The following FYB2 variants were observed in gnomAD, a reference collection of about 807,000 sequenced individuals.
FYB2 encodes FYN-binding protein 2.
FYB2 carries 103 observed loss-of-function variants against 94.1 expected under a neutral mutation model. The observed-to-expected ratio is 1.09, with a 90% CI of 0.93 to 1.29. FYB2 has a LOEUF of 1.29. Ranked by LOEUF, FYB2 falls within the 50% of genes most tolerant of loss-of-function variation. FYB2 has a pLI of 0.00. For missense variants in FYB2, 896 were observed against 841.5 expected (o/e 1.06, Z -0.80); for synonymous variants, 293 against 287.9 (o/e 1.02, Z -0.18).
intron 15 of FYB2, among the ~76,000 whole-genome samples, chr1:56,730,999 G>A (rs1320662176): frequency 6.6e-6 from 1 of 152,096 alleles, no homozygotes; most frequent in Non-Finnish European, 1.5e-5. Context: ...CCTGAGCCCA[G>A]GAAGTCAAGG....
chr1:56,798,550 G>T (rs1425246098), intron 1 of FYB2, among the ~76,000 whole-genome samples: 1 of 152,082 alleles, frequency 6.6e-6, no homozygotes, highest in South Asian at 2.1e-4. Flanking sequence ...GTGTGGCATT[G>T]TTATATTTAG....
At chr1:56,795,332 A>C (rs1646371021) in intron 1 of FYB2, among the ~76,000 whole-genome samples, 1 of 152,130 alleles carries the variant, frequency 6.6e-6, no homozygotes, top group African/African-American at 2.4e-5. Flanking sequence ...AAGGCTAAAT[A>C]ATATATCATA....
intron 1 of FYB2, among the ~76,000 whole-genome samples, chr1:56,809,321 T>C (rs1207044709): frequency 6.6e-6 from 1 of 152,154 alleles, no homozygotes; most frequent in Non-Finnish European, 1.5e-5. Context: ...TACAAGTATA[T>C]TATTAACAGC....
intron 3 of FYB2, among the ~76,000 whole-genome samples, chr1:56,787,919 A>G (rs968785400): frequency 6.6e-6 from 1 of 152,228 alleles, no homozygotes; most frequent in Non-Finnish European, 1.5e-5. Flanking sequence ...AGCTGTCCAT[A>G]TCAGTAAAGT....
rs75842954 is a variant in FYB2 at position 56,775,144 on chromosome 1, A to G, written c.954-7206T>C. ...CTCCTTAATAATCTCTCGTTTATAT[A>G]TACATCTACCCTATTAGTCCTGTCC... On this transcript the variant is annotated intron_variant, in intron 4 of 19. Coordinates refer to ENST00000343433, the MANE Select transcript of FYB2 (RefSeq NM_001004303.5). 3.7e-3 allele frequency among the ~76,000 whole-genome samples: 566 copies of G among 152,238 alleles called. 4 individuals carry two copies. Among genetic ancestry groups the G allele is most frequent in the African/African-American group, 0.012 (486 of 41,558 alleles).
At chr1:56,773,318 T>C (rs1263660122) in intron 4 of FYB2, among the ~76,000 whole-genome samples, 1 of 152,196 alleles carries the variant, frequency 6.6e-6, no homozygotes, top group Non-Finnish European at 1.5e-5. Context: ...TATTAGGCTG[T>C]ACGCTCTAGA....
At chr1:56,777,860 A>G (rs1371821961) in intron 4 of FYB2, among the ~76,000 whole-genome samples, 1 of 152,072 alleles carries the variant, frequency 6.6e-6, no homozygotes, top group Non-Finnish European at 1.5e-5. Flanking sequence ...TCTATAGTCT[A>G]TTCTCCACAC....
chr1:56,818,216 G>A (rs17114404), intron 1 of FYB2, among the ~76,000 whole-genome samples: 2,728 of 152,098 alleles, frequency 0.018, 90 homozygotes, highest in African/African-American at 0.061. Flanking sequence ...GGAGGGAGAT[G>A]AAGTCATACC....
At chr1:56,787,319 T>C (rs2100939356) in intron 3 of FYB2, 111 bp from the exon 4 acceptor site, 2 of 1,345,138 alleles carry the variant, frequency 1.5e-6, no homozygotes, top group Non-Finnish European at 2.1e-6. Context: ...AGTGGAAGCT[T>C]GCCTGTGCCT....
chr1:56,802,631 A>G (rs1475956620), intron 1 of FYB2, among the ~76,000 whole-genome samples: 1 of 152,220 alleles, frequency 6.6e-6, no homozygotes, highest in Non-Finnish European at 1.5e-5. Flanking sequence ...AAAGAAAGCC[A>G]TTATTCTTCC....
At chr1:56,801,265 G>GAGTA (rs1646513115) in intron 1 of FYB2, among the ~76,000 whole-genome samples, 1 of 152,132 alleles carries the variant, frequency 6.6e-6, no homozygotes, top group African/African-American at 2.4e-5. Context: ...TCAGGAAGTG[G>GAGTA]AGTAAAGTGT....
At chr1:56,791,955 C>T in intron 2 of FYB2, 101 bp downstream of exon 2, 1 of 1,439,982 alleles carries the variant, frequency 6.9e-7, no homozygotes, top group East Asian at 2.4e-5. Flanking sequence ...AGCCACATTT[C>T]CCAGGTCATA....
intron 1 of FYB2, among the ~76,000 whole-genome samples, chr1:56,816,185 G>C (rs749190257): frequency 1.3e-5 from 2 of 152,208 alleles, no homozygotes; most frequent in African/African-American, 4.8e-5. Flanking sequence ...ATAGGAATTT[G>C]GACGAGGCTC....
chr1:56,826,492 A>C, the FYB2 span: 1 of 152,366 alleles, frequency 6.6e-6, no homozygotes, highest in Non-Finnish European at 1.5e-5. Context: ...TCCATGCTGC[A>C]TCTGGCCTCT....
chr1:56,762,262 C>T (rs978326241), intron 5 of FYB2, among the ~76,000 whole-genome samples: 8 of 152,052 alleles, frequency 5.3e-5, no homozygotes, highest in Non-Finnish European at 7.4e-5. Flanking sequence ...GCAGAAGATC[C>T]TACTGGGATT....
At chr1:56,812,055 G>C (rs1234143468) in intron 1 of FYB2, among the ~76,000 whole-genome samples, 1 of 152,122 alleles carries the variant, frequency 6.6e-6, no homozygotes, top group Non-Finnish European at 1.5e-5. Flanking sequence ...TGTCAGCTCT[G>C]CTACAAATTT....
intron 9 of FYB2, among the ~76,000 whole-genome samples, chr1:56,745,001 G>A (rs1645036824): frequency 2.6e-5 from 4 of 151,978 alleles, no homozygotes; most frequent in Non-Finnish European, 5.9e-5. Flanking sequence ...TTAATTAAAT[G>A]AACCAAGCAA....
chr1:56,738,920 G>A (rs571514724), intron 13 of FYB2, among the ~76,000 whole-genome samples: 14 of 152,178 alleles, frequency 9.2e-5, no homozygotes, highest in African/African-American at 3.1e-4. Context: ...ATATTTGATC[G>A]AATTTTAAGG....
rs559263765 is a variant in FYB2, at chr1:56,719,811, T to C, written c.2166-119A>G. ...TATGTTTGTGTTCTTTTAAAATGTT[T>C]ATAAAGCTGTGTAGAGAAGTTTGAT... On this transcript the variant is annotated intron_variant, in intron 19 of 19. Coordinates refer to ENST00000343433, the MANE Select transcript of FYB2 (RefSeq NM_001004303.5). 1,134 of 1,128,222 alleles carry C rather than the reference T, an allele frequency of 1.0e-3. 2 individuals carry two copies. Among genetic ancestry groups the C allele is most frequent in the Non-Finnish European group, 1.3e-3 (1,010 of 795,672 alleles). The allele number at this position is 1,128,222 out of a possible 1,614,324, so 69.9% of individuals were successfully genotyped here.
Sources: allele counts gnomAD v4.1 joint callset (sites outside exome capture counted in the v4.1 genomes callset), GRCh38; gene constraint gnomAD v4.1.1; transcripts MANE v1.5; gene names NCBI Gene and HGNC (gene_info 2026-07-23, HGNC 2026-07-21).